Variants in KCNIP4 observed in about 807,000 individuals in gnomAD.
KCNIP4 encodes the protein Kv channel-interacting protein 4.
A neutral mutation model predicts 34.0 loss-of-function variants in KCNIP4; 12 were observed. The ratio of observed to expected loss-of-function variants is 0.35; its 90% CI spans 0.23 to 0.57. The LOEUF (loss-of-function observed/expected upper bound fraction) is 0.57. Among genes scored for constraint, KCNIP4 ranks in the 20% least tolerant of loss-of-function variants. KCNIP4 has a pLI of 0.83. For synonymous variants in KCNIP4, 124 were observed against 102.2 expected (o/e 1.21, Z -1.29); for missense variants, 238 against 311.7 (o/e 0.76, Z 1.78).
Position 21,138,764 on chromosome 4 carries a change from G to C in KCNIP4, c.62-256055C>G, listed in dbSNP as rs78031137. On this transcript the variant is annotated intron_variant, in intron 1 of 8. Coordinates refer to ENST00000382152, the MANE Select transcript of KCNIP4 (RefSeq NM_025221.6). Reference sequence around the variant, plus strand: ...GTTGTAAACTGAAAGAGAGAGGTGGGAGGCTGAGTGTCAGGGCAATGCAGT... The same window carrying C: ...GTTGTAAACTGAAAGAGAGAGGTGGCAGGCTGAGTGTCAGGGCAATGCAGT... 1.8e-3 allele frequency among the ~76,000 whole-genome samples: 270 copies of C among 152,238 alleles called. 2 individuals are homozygous for C. The highest frequency in any genetic ancestry group is 6.0e-3 in the African/African-American group (251 of 41,540).
intron 1 of KCNIP4, among the ~76,000 whole-genome samples, chr4:21,935,712 T>G (rs1357844043): frequency 6.6e-6 from 1 of 152,038 alleles, no homozygotes; most frequent in Non-Finnish European, 1.5e-5. Context: ...TCCTGACTTC[T>G]CATCCTCATG....
chr4:20,997,866 C>T (rs1737708824), intron 1 of KCNIP4, among the ~76,000 whole-genome samples: 1 of 152,110 alleles, frequency 6.6e-6, no homozygotes, highest in Non-Finnish European at 1.5e-5. Flanking sequence ...TCTTGAAGGG[C>T]CATACAGCTG....
intron 1 of KCNIP4, among the ~76,000 whole-genome samples, chr4:21,535,323 T>G (rs1219025469): frequency 6.6e-6 from 1 of 152,132 alleles, no homozygotes; most frequent in Non-Finnish European, 1.5e-5. Flanking sequence ...TTTGAGGACT[T>G]GGAGAGAGTT....
intron 1 of KCNIP4, among the ~76,000 whole-genome samples, chr4:20,999,544 C>G (rs959163993): frequency 1.3e-5 from 2 of 149,348 alleles, no homozygotes; most frequent in Non-Finnish European, 3.0e-5. Flanking sequence ...ACCGTGGTTG[C>G]TGTGTGGACA....
At chr4:21,105,427 G>T (rs1175393922) in intron 1 of KCNIP4, among the ~76,000 whole-genome samples, 1 of 151,684 alleles carries the variant, frequency 6.6e-6, no homozygotes, top group Non-Finnish European at 1.5e-5. Flanking sequence ...GAATGCTTGT[G>T]ATTTTTGCAC....
chr4:21,118,885 G>T (rs1237749740), intron 1 of KCNIP4, among the ~76,000 whole-genome samples: 1 of 152,112 alleles, frequency 6.6e-6, no homozygotes, highest in Non-Finnish European at 1.5e-5. Flanking sequence ...TGTTACAGTG[G>T]CATTTGAATA....
rs115746380 is a variant in KCNIP4 at position 20,916,219 on chromosome 4, C to T, written c.62-33510G>A. On this transcript the variant is annotated intron_variant, in intron 1 of 8. Transcript: ENST00000382152. ...CTCTTATAAAATGACCCCTAACTCT[C>T]TCAGGTTCTCTCTATGATTTCTGCC... The T allele has an allele frequency of 3.9e-3, 2,205 of 570,752 alleles. 55 individuals carry two copies. The African/African-American group carries it at 0.043, about 11-fold the overall frequency. 35.4% of individuals were successfully genotyped at this position (570,752 alleles called of 1,614,324 possible). A position where few individuals can be genotyped will look rare whatever the true frequency, so the allele number is the denominator to read the frequency against.
intron 2 of KCNIP4, among the ~76,000 whole-genome samples, chr4:20,860,529 T>C (rs562895940): frequency 7.9e-5 from 12 of 152,250 alleles, no homozygotes; most frequent in African/African-American, 2.7e-4. Flanking sequence ...TTTAAAATTC[T>C]ATTTGAGCTG....
At chr4:21,034,030 AT>A (rs1741238025) in intron 1 of KCNIP4, among the ~76,000 whole-genome samples, 2 of 152,158 alleles carry the variant, frequency 1.3e-5, no homozygotes, top group South Asian at 4.1e-4. Context: ...ATTCTATTTG[AT>A]TTTCCAAGTA....
intron 1 of KCNIP4, among the ~76,000 whole-genome samples, chr4:21,589,871 A>G (rs1742054099): frequency 6.6e-6 from 1 of 151,980 alleles, no homozygotes; most frequent in South Asian, 2.1e-4. Context: ...TTTGTTAAAT[A>G]GTTGAAGAAT....
chr4:21,254,671 A>G (rs1265270130), intron 1 of KCNIP4, among the ~76,000 whole-genome samples: 3 of 152,172 alleles, frequency 2.0e-5, no homozygotes, highest in Admixed American at 6.5e-5. Context: ...AGTATCCATT[A>G]TCTCTTTTAA....
In KCNIP4 at chr4:21,683,446, A is replaced by ATTTT. The variant is rs71191533; in HGVS notation, c.61+265121_61+265124dup. Reference sequence around the variant, plus strand: ...TACGACTAATGATTGGTGAAGCCAGATTTTTTTTTTTTTTTTTTTTTTTTT... The same window carrying ATTTT: ...TACGACTAATGATTGGTGAAGCCAGATTTTTTTTTTTTTTTTTTTTTTTTTTTTT... On this transcript the variant is annotated intron_variant, in intron 1 of 8. Transcript: ENST00000382152. 1.2e-3 allele frequency among the ~76,000 whole-genome samples: 54 copies of ATTTT among 46,612 alleles called. 13 individuals carry two copies. The highest frequency in any genetic ancestry group is 1.2e-3 in the Non-Finnish European group (29 of 24,000). The allele number at this position is 46,612 out of a possible 152,430, so 30.6% of individuals were successfully genotyped here. A position where few individuals can be genotyped will look rare whatever the true frequency, so the allele number is the denominator to read the frequency against.
chr4:21,669,030 A>G lies in KCNIP4; in HGVS notation c.61+279541T>C, dbSNP rs532385076. 7.9e-5 allele frequency among the ~76,000 whole-genome samples: 12 copies of G among 152,266 alleles called. No individual in the cohort carries two copies. In the South Asian group the frequency reaches 1.5e-3, roughly 18 times the overall value. On this transcript the variant is annotated intron_variant, in intron 1 of 8. Transcript: ENST00000382152. Reference sequence around the variant, plus strand: ...CTTCTCCTCCTCCTCAGCCTACTCAATGTAAAGACAATCAAGAGGAATACT... The same window carrying G: ...CTTCTCCTCCTCCTCAGCCTACTCAGTGTAAAGACAATCAAGAGGAATACT...
chr4:21,379,179 T>C (rs893311551), intron 1 of KCNIP4, among the ~76,000 whole-genome samples: 9 of 152,194 alleles, frequency 5.9e-5, no homozygotes, highest in African/African-American at 2.2e-4. Context: ...ATTAACCTAG[T>C]TAATTGCTTT....
chr4:21,792,184 A>G (rs12509804), intron 1 of KCNIP4, among the ~76,000 whole-genome samples: 120,877 of 145,446 alleles, frequency 0.83, 53,287 homozygotes, highest in Non-Finnish European at 0.97. Flanking sequence ...CAAGCACATA[A>G]ACCGTATCTG....
chr4:21,011,380 T>C (rs944750704), intron 1 of KCNIP4, among the ~76,000 whole-genome samples: 7 of 152,222 alleles, frequency 4.6e-5, no homozygotes, highest in African/African-American at 7.2e-5. Flanking sequence ...GTTATTGTTC[T>C]GAAAGTCTTT....
intron 7 of KCNIP4, among the ~76,000 whole-genome samples, chr4:20,732,338 T>C (rs1748516832): frequency 6.6e-6 from 1 of 152,190 alleles, no homozygotes; most frequent in Non-Finnish European, 1.5e-5. Context: ...TGACAGAGCT[T>C]GCGCAATTTG....
rs190474566 is a variant in KCNIP4, at chr4:21,178,792, G to C, written c.62-296083C>G. Among the ~76,000 whole-genome samples, 3 of 147,426 alleles carry C rather than the reference G, an allele frequency of 2.0e-5. No individual in the cohort carries two copies. In the East Asian group the frequency reaches 6.0e-4, roughly 30 times the overall value. ...AGGAGTCACCAGAGAACTCCTTCTAGTTTTCTGTCTTCTAACACCAAACTT... is the reference window on the plus strand; with the variant it reads ...AGGAGTCACCAGAGAACTCCTTCTACTTTTCTGTCTTCTAACACCAAACTT... On this transcript the variant is annotated intron_variant, in intron 1 of 8. Coordinates refer to ENST00000382152, the MANE Select transcript of KCNIP4 (RefSeq NM_025221.6).
intron 3 of KCNIP4, among the ~76,000 whole-genome samples, chr4:20,761,759 C>T (rs1333495389): frequency 2.0e-5 from 3 of 152,162 alleles, no homozygotes; most frequent in Admixed American, 2.0e-4. Context: ...ATCTGATATG[C>T]ATGTGTTTTA....
Sources: allele counts gnomAD v4.1 joint callset (sites outside exome capture counted in the v4.1 genomes callset), GRCh38; gene constraint gnomAD v4.1.1; transcripts MANE v1.5; gene names NCBI Gene and HGNC (gene_info 2026-07-23, HGNC 2026-07-21).